NXPE2: variants seen among roughly 807,000 people sequenced by gnomAD.
The protein encoded by NXPE2 is NXPE family member 2.
In NXPE2, 34 loss-of-function variants were observed where a neutral mutation model predicts 34.4. The ratio of observed to expected loss-of-function variants is 0.99; its 90% confidence interval spans 0.75 to 1.31. NXPE2 has a LOEUF of 1.31. Ranked by LOEUF, NXPE2 falls within the 40% of genes most tolerant of loss-of-function variation. The pLI, the probability that NXPE2 is intolerant of heterozygous loss-of-function variation, is 0.00. For synonymous variants in NXPE2, 235 were observed against 231.3 expected, an observed-to-expected ratio of 1.02 and a Z score of -0.15; for missense variants, 649 against 672.5, an observed-to-expected ratio of 0.97 and a Z score of 0.39.
the NXPE2 span, among the ~76,000 whole-genome samples, chr11:114,770,063 C>G: frequency 6.6e-6 from 1 of 152,220 alleles, no homozygotes; most frequent in Non-Finnish European, 1.5e-5. Flanking sequence ...TCAGGACTCA[C>G]TTGGGCTATA....
the NXPE2 span, among the ~76,000 whole-genome samples, chr11:114,810,304 C>T: frequency 6.6e-6 from 1 of 150,726 alleles, no homozygotes; most frequent in Non-Finnish European, 1.5e-5. Flanking sequence ...GTCTAGAACA[C>T]CAAAAGCAAT....
the NXPE2 span, among the ~76,000 whole-genome samples, chr11:114,503,615 TA>T: frequency 2.8e-4 from 43 of 151,358 alleles, no homozygotes; most frequent in Non-Finnish European, 2.2e-4. Context: ...AGCAAAAATA[TA>T]AAGAGGTATA....
the NXPE2 span, among the ~76,000 whole-genome samples, chr11:114,724,844 C>CT: frequency 0.35 from 42,815 of 121,428 alleles, 7,198 homozygotes; most frequent in East Asian, 0.49. Context: ...GCTTCCATGG[C>CT]TTTTTTTTTT....
At chr11:114,640,068 TATA>T in the NXPE2 span, among the ~76,000 whole-genome samples, 4 of 107,336 alleles carry the variant, frequency 3.7e-5, no homozygotes, top group South Asian at 7.7e-4. Context: ...TTATTTAAAA[TATA>T]ATATATAATA....
At chr11:114,716,152 C>T in the NXPE2 span, among the ~76,000 whole-genome samples, 2,605 of 152,256 alleles carry the variant, frequency 0.017, 79 homozygotes, top group African/African-American at 0.057. Context: ...TCATTTAAAC[C>T]TATCACCTGG....
chr11:114,469,231 C>A, the NXPE2 span, among the ~76,000 whole-genome samples: 760 of 150,514 alleles, frequency 5.0e-3, 10 homozygotes, highest in African/African-American at 0.018. Context: ...CCTGCCTCAG[C>A]CTCCCGAGTA....
At chr11:114,515,738 T>TACTGGTATTTCAAA in the NXPE2 span, among the ~76,000 whole-genome samples, 90 of 108,822 alleles carry the variant, frequency 8.3e-4, 7 homozygotes, top group African/African-American at 3.8e-3. Context: ...AGGCTGTGGT[T>TACTGGTATTTCAAA]AGAAAGTAAG....
At chr11:114,705,227 T>G (rs1168750583) in intron 4 of NXPE2, among the ~76,000 whole-genome samples, 2 of 152,276 alleles carry the variant, frequency 1.3e-5, no homozygotes, top group South Asian at 2.1e-4. Flanking sequence ...ACACTGAGAA[T>G]ATTACATTCA....
the NXPE2 span, among the ~76,000 whole-genome samples, chr11:114,538,182 G>T: frequency 7.9e-5 from 12 of 152,292 alleles, no homozygotes; most frequent in Middle Eastern, 3.4e-3. Flanking sequence ...ATGGGGAAAG[G>T]ATTCCCTATT....
chr11:114,639,216 T>G, the NXPE2 span, among the ~76,000 whole-genome samples: 5 of 152,002 alleles, frequency 3.3e-5, no homozygotes, highest in African/African-American at 1.2e-4. Flanking sequence ...CAGTTTGATC[T>G]CAGACTGCTG....
the NXPE2 span, among the ~76,000 whole-genome samples, chr11:114,779,181 CTT>C: frequency 6.6e-6 from 1 of 152,218 alleles, no homozygotes; most frequent in African/African-American, 2.4e-5. Context: ...ATATAAGAAA[CTT>C]TTCTTCCTTC....
chr11:114,563,218 A>G, the NXPE2 span, among the ~76,000 whole-genome samples: 2 of 152,128 alleles, frequency 1.3e-5, no homozygotes, highest in African/African-American at 4.8e-5. Context: ...TGTTCAGTAC[A>G]AGAGGCAATA....
chr11:114,739,351 TCTCC>T, the NXPE2 span, among the ~76,000 whole-genome samples: 2 of 44,686 alleles, frequency 4.5e-5, no homozygotes, highest in Non-Finnish European at 7.8e-5. Flanking sequence ...CCCCTTCCTC[TCTCC>T]CTCCCTCCCT....
At chr11:114,490,651 G>A in the NXPE2 span, among the ~76,000 whole-genome samples, 1 of 152,210 alleles carries the variant, frequency 6.6e-6, no homozygotes, top group Non-Finnish European at 1.5e-5. Context: ...CTAGCCATAT[G>A]CAGAAAGCTG....
the NXPE2 span, among the ~76,000 whole-genome samples, chr11:114,490,880 C>T: frequency 8.5e-5 from 13 of 152,198 alleles, no homozygotes; most frequent in African/African-American, 2.4e-4. Context: ...AGAGTTTCTG[C>T]GGCCGGGCGC....
chr11:114,707,726 C>T (rs1006510258), downstream of NXPE2, among the ~76,000 whole-genome samples: 1 of 152,200 alleles, frequency 6.6e-6, no homozygotes, highest in African/African-American at 2.4e-5. Context: ...ATGGCAACCG[C>T]CATTGTATTT....
At chr11:114,594,601 G>T in the NXPE2 span, 2 of 1,052,612 alleles carry the variant, frequency 1.9e-6, no homozygotes, top group South Asian at 1.3e-5. Flanking sequence ...GCCTTTCCTA[G>T]AACAGATGAG....
chr11:114,623,349 C>T, the NXPE2 span, among the ~76,000 whole-genome samples: 2 of 151,002 alleles, frequency 1.3e-5, no homozygotes, highest in Non-Finnish European at 3.0e-5. Context: ...AAATAAGTAT[C>T]GCCTGTAGGG....
At chr11:114,728,648 A>G in the NXPE2 span, among the ~76,000 whole-genome samples, 2 of 152,206 alleles carry the variant, frequency 1.3e-5, no homozygotes, top group East Asian at 3.9e-4. Context: ...GATATTCTGT[A>G]AAGGACAAGA....
Sources: allele counts gnomAD v4.1 joint callset (sites outside exome capture counted in the v4.1 genomes callset), GRCh38; gene constraint gnomAD v4.1.1; transcripts MANE v1.5; gene names NCBI Gene and HGNC (gene_info 2026-07-23, HGNC 2026-07-21).